ZFAND3: variants seen among roughly 807,000 people sequenced by gnomAD.
The protein encoded by ZFAND3 is AN1-type zinc finger protein 3.
ZFAND3 carries 10 observed loss-of-function variants against 29.6 expected under a neutral mutation model. The observed-to-expected ratio is 0.34, with a 90% CI of 0.21 to 0.57. ZFAND3 has a LOEUF of 0.57. Among genes scored for constraint, ZFAND3 ranks in the 20% least tolerant of loss-of-function variants. The pLI, the probability that ZFAND3 is intolerant of heterozygous loss-of-function variation, is 0.86. For missense variants in ZFAND3, 230 were observed against 304.5 expected (o/e 0.76, Z 1.82); for synonymous variants, 128 against 112.6 (o/e 1.14, Z -0.87).
At chr6:38,059,168 C>G (rs771379237) in intron 2 of ZFAND3, among the ~76,000 whole-genome samples, 1 of 152,088 alleles carries the variant, frequency 6.6e-6, no homozygotes, top group Non-Finnish European at 1.5e-5. Flanking sequence ...AATTACAGAA[C>G]AAGATAGAAG....
chr6:38,052,206 G>A (rs993621980), intron 2 of ZFAND3, among the ~76,000 whole-genome samples: 5 of 152,092 alleles, frequency 3.3e-5, no homozygotes, highest in South Asian at 2.1e-4. Context: ...TTTGCCTCTC[G>A]TAAAAATCTT....
At chr6:38,092,415 G>A (rs1050630439) in intron 4 of ZFAND3, among the ~76,000 whole-genome samples, 9 of 152,336 alleles carry the variant, frequency 5.9e-5, no homozygotes, top group Admixed American at 5.9e-4. Context: ...CAGCTTTTGC[G>A]AGCAAGAGAT....
chr6:37,876,415 G>A (rs892795792), intron 1 of ZFAND3, among the ~76,000 whole-genome samples: 1 of 152,182 alleles, frequency 6.6e-6, no homozygotes, highest in Non-Finnish European at 1.5e-5. Context: ...ATCTCAGTCA[G>A]CATTACGGCA....
chr6:37,998,093 A>T (rs1387028730), intron 2 of ZFAND3, among the ~76,000 whole-genome samples: 2 of 152,248 alleles, frequency 1.3e-5, no homozygotes, highest in Admixed American at 6.5e-5. Flanking sequence ...AGGTGAATGG[A>T]TAAACAAACT....
chr6:38,040,698 A>ATG (rs971497716), intron 2 of ZFAND3, among the ~76,000 whole-genome samples: 1 of 152,188 alleles, frequency 6.6e-6, no homozygotes, highest in Non-Finnish European at 1.5e-5. Flanking sequence ...TTCTGTATGT[A>ATG]TGTTTGTATG....
intron 1 of ZFAND3, among the ~76,000 whole-genome samples, chr6:37,872,897 C>T (rs1764719681): frequency 6.6e-6 from 1 of 152,174 alleles, no homozygotes; most frequent in African/African-American, 2.4e-5. Flanking sequence ...TACATGCTGC[C>T]AAACAGTTGG....
chr6:38,131,992 C>T (rs560759475), intron 5 of ZFAND3, among the ~76,000 whole-genome samples: 10 of 152,020 alleles, frequency 6.6e-5, no homozygotes, highest in Non-Finnish European at 1.2e-4. Context: ...TTTGGCTGAA[C>T]GAAAAAGATC....
intron 2 of ZFAND3, among the ~76,000 whole-genome samples, chr6:37,985,057 T>C (rs375448926): frequency 6.6e-6 from 1 of 152,248 alleles, no homozygotes; most frequent in African/African-American, 2.4e-5. Context: ...TTTCTCTCAG[T>C]CTTTAGTTTA....
intron 2 of ZFAND3, among the ~76,000 whole-genome samples, chr6:37,968,975 T>G (rs1037467434): frequency 1.3e-5 from 2 of 152,206 alleles, no homozygotes; most frequent in East Asian, 3.8e-4. Context: ...ATGTTCTGAG[T>G]GAACTTCCTA....
At chr6:37,919,489 A>C (rs1363116484) in intron 1 of ZFAND3, among the ~76,000 whole-genome samples, 5 of 152,136 alleles carry the variant, frequency 3.3e-5, no homozygotes, top group African/African-American at 1.2e-4. Context: ...GTTATTGACC[A>C]TGGTTTTTCA....
In ZFAND3 at chr6:37,841,737, C is replaced by T. The variant is rs541048505; in HGVS notation, c.71+21721C>T. 3.1e-3 allele frequency among the ~76,000 whole-genome samples: 470 copies of T among 151,828 alleles called. 3 individuals carry two copies. The highest frequency in any genetic ancestry group is 0.011 in the African/African-American group (447 of 41,182). Reference sequence around the variant, plus strand: ...TCACCTTGTGATCCACCAGCCTCGGCCCCCCAAAGCGCTGGGATTACAGGC... The same window carrying T: ...TCACCTTGTGATCCACCAGCCTCGGTCCCCCAAAGCGCTGGGATTACAGGC... On this transcript the variant is annotated intron_variant, in intron 1 of 5. Coordinates refer to ENST00000287218, the MANE Select transcript of ZFAND3 (RefSeq NM_021943.3).
chr6:38,118,025 G>A (rs919682807), intron 5 of ZFAND3, among the ~76,000 whole-genome samples: 1 of 152,234 alleles, frequency 6.6e-6, no homozygotes, highest in Admixed American at 6.5e-5. Flanking sequence ...AGCATGGGGA[G>A]TCTAAATGTT....
chr6:38,009,367 C>T (rs902634842), intron 2 of ZFAND3, among the ~76,000 whole-genome samples: 3 of 152,100 alleles, frequency 2.0e-5, no homozygotes, highest in African/African-American at 7.2e-5. Flanking sequence ...TGGTGTATTT[C>T]TTCTTTCTAC....
chr6:38,102,343 CTGTA>C (rs1180671746), intron 4 of ZFAND3, among the ~76,000 whole-genome samples: 3 of 152,288 alleles, frequency 2.0e-5, no homozygotes, highest in East Asian at 1.9e-4. Context: ...GACTTTTTGT[CTGTA>C]TGTGTGTTTT....
At chr6:38,085,222 A>G (rs1296686511) in intron 4 of ZFAND3, among the ~76,000 whole-genome samples, 1 of 152,236 alleles carries the variant, frequency 6.6e-6, no homozygotes, top group Non-Finnish European at 1.5e-5. Flanking sequence ...TTCTACTGTG[A>G]GGTAGTCTCC....
At chr6:38,058,794 A>G (rs1764180316) in intron 2 of ZFAND3, among the ~76,000 whole-genome samples, 1 of 152,238 alleles carries the variant, frequency 6.6e-6, no homozygotes, top group Non-Finnish European at 1.5e-5. Flanking sequence ...CAATTTCTTT[A>G]TCATTAAAAT....
At chr6:38,141,975 C>T (rs9470795) in intron 5 of ZFAND3, among the ~76,000 whole-genome samples, 4,580 of 152,280 alleles carry the variant, frequency 0.03, 183 homozygotes, top group African/African-American at 0.087. Flanking sequence ...GCAGACACAG[C>T]GGAGGTTCTT....
At chr6:38,133,212 T>C (rs1046076775) in intron 5 of ZFAND3, among the ~76,000 whole-genome samples, 2 of 152,208 alleles carry the variant, frequency 1.3e-5, no homozygotes, top group African/African-American at 4.8e-5. Context: ...ATTGAAATTG[T>C]CTGTTTACAT....
intron 2 of ZFAND3, among the ~76,000 whole-genome samples, chr6:37,943,032 A>C (rs1761838796): frequency 6.6e-6 from 1 of 152,188 alleles, no homozygotes; most frequent in African/African-American, 2.4e-5. Context: ...ACAAGAGAGA[A>C]CAAAAGGAAT....
Sources: gnomAD v4.1 joint callset for allele counts (sites outside exome capture counted in the v4.1 genomes callset) on GRCh38, gnomAD v4.1.1 for gene constraint, MANE v1.5 for transcripts, NCBI Gene and HGNC (gene_info 2026-07-23, HGNC 2026-07-21) for gene names.